Variants in ATP11B observed in about 807,000 individuals in gnomAD.
The protein encoded by ATP11B is phospholipid-transporting ATPase IF.
ATP11B carries 81 observed loss-of-function variants against 157.8 expected under a neutral mutation model. The observed-to-expected ratio is 0.51, with a 90% CI of 0.43 to 0.62. The LOEUF is 0.62. Among genes scored for constraint, ATP11B ranks in the 20% least tolerant of loss-of-function variants. ATP11B has a pLI of 0.00. For synonymous variants in ATP11B, 451 were observed against 469.4 expected (o/e 0.96, Z 0.51); for missense variants, 1,165 against 1,402.2 (o/e 0.83, Z 2.70).
intron 10 of ATP11B, among the ~76,000 whole-genome samples, chr3:182,855,949 A>T (rs1720366697): frequency 2.0e-5 from 3 of 152,128 alleles, no homozygotes; most frequent in African/African-American, 7.2e-5. Context: ...TAAAAATAGT[A>T]TACCCACTCT....
intron 1 of ATP11B, among the ~76,000 whole-genome samples, chr3:182,814,168 A>G (rs966739662): frequency 2.0e-5 from 3 of 152,064 alleles, no homozygotes; most frequent in Admixed American, 6.6e-5. Context: ...GGTTTAAGTG[A>G]TTCTCCTGCC....
intron 21 of ATP11B, among the ~76,000 whole-genome samples, chr3:182,883,756 C>A (rs56936376): frequency 0.035 from 5,221 of 150,228 alleles, 308 homozygotes; most frequent in African/African-American, 0.12. Context: ...GAGATCGAGA[C>A]CATCCCGGCT....
chr3:182,822,442 T>A (rs528668033), intron 2 of ATP11B, among the ~76,000 whole-genome samples: 16 of 152,226 alleles, frequency 1.1e-4, no homozygotes, highest in Non-Finnish European at 2.2e-4. Flanking sequence ...GCAAAGGACA[T>A]GAACTCATCC....
At chr3:182,804,083 T>C (rs185808894) in intron 1 of ATP11B, among the ~76,000 whole-genome samples, 1 of 152,210 alleles carries the variant, frequency 6.6e-6, no homozygotes, top group African/African-American at 2.4e-5. Flanking sequence ...AGATTTTGAT[T>C]AGCTTTGCAT....
intron 1 of ATP11B, among the ~76,000 whole-genome samples, chr3:182,809,013 T>G (rs1008227366): frequency 6.6e-6 from 1 of 151,962 alleles, no homozygotes; most frequent in African/African-American, 2.4e-5. Context: ...ATATTCTTGG[T>G]TAGAAAAATA....
In ATP11B at chr3:182,918,726, C is replaced by T. The variant is rs1459798719; in HGVS notation, c.*622C>T. On this transcript the variant is annotated 3_prime_UTR_variant, in exon 30 of 30. Coordinates refer to ENST00000323116, the MANE Select transcript of ATP11B (RefSeq NM_014616.3). ...TATGGGGAGTAAATTTATACCAATT[C>T]CTCTAACTGTACTGTAACACAGCCT... is the stretch of plus-strand genomic sequence containing the variant. The T allele has an allele frequency of 2.6e-5, 5 of 195,550 alleles. No individual in the cohort carries two copies. The highest frequency in any genetic ancestry group is 5.2e-5 in the Non-Finnish European group (5 of 96,906). 12.1% of individuals were successfully genotyped at this position (195,550 alleles called of 1,614,324 possible).
intron 28 of ATP11B, among the ~76,000 whole-genome samples, chr3:182,903,063 G>A (rs1327900878): frequency 1.3e-5 from 2 of 151,892 alleles, no homozygotes; most frequent in East Asian, 1.9e-4. Flanking sequence ...TCTATAAATC[G>A]AACAATGTGT....
chr3:182,862,488 AG>A (rs1455889227), intron 12 of ATP11B, among the ~76,000 whole-genome samples: 1 of 152,046 alleles, frequency 6.6e-6, no homozygotes, highest in Non-Finnish European at 1.5e-5. Flanking sequence ...GATTCTGTCC[AG>A]TTCAGCCTAC....
rs1276913242 is a variant in ATP11B at position 182,868,697 on chromosome 3, A to G, written c.1689-381A>G. On this transcript the variant is annotated intron_variant, in intron 15 of 29. Transcript: ENST00000323116. ...AGTTACCTTTTTTAGTCAGAAAAAC[A>G]TGGAGCTGGGCAGATCTGGATTCCA... 2.0e-5 allele frequency among the ~76,000 whole-genome samples: 3 copies of G among 152,200 alleles called. 1 individual carries two copies. Among genetic ancestry groups the G allele is most frequent in the South Asian group, 4.1e-4 (2 of 4,832 alleles).
chr3:182,820,576 G>A (rs1011036865), intron 2 of ATP11B, among the ~76,000 whole-genome samples, 200 bp downstream of exon 2: 1 of 152,122 alleles, frequency 6.6e-6, no homozygotes, highest in Non-Finnish European at 1.5e-5. Context: ...CAGCTACTCT[G>A]GAGGCTGGCT....
chr3:182,812,432 G>T (rs963954963), intron 1 of ATP11B, among the ~76,000 whole-genome samples: 1 of 152,240 alleles, frequency 6.6e-6, no homozygotes, highest in Non-Finnish European at 1.5e-5. Context: ...TATCCAGACA[G>T]TGGTTAACTG....
At chr3:182,870,078 A>T (rs1003500672) in intron 17 of ATP11B, among the ~76,000 whole-genome samples, 3 of 148,282 alleles carry the variant, frequency 2.0e-5, no homozygotes, top group African/African-American at 7.7e-5. Flanking sequence ...CTCATTAATG[A>T]TTGCCAGGGG....
chr3:182,793,876 C>T, intron 1 of ATP11B, 90 bp downstream of exon 1: 2 of 930,834 alleles, frequency 2.1e-6, no homozygotes, highest in Non-Finnish European at 1.4e-6. Context: ...GGCGCGGAGC[C>T]GGGAGGCCAG....
intron 25 of ATP11B, among the ~76,000 whole-genome samples, chr3:182,895,132 A>AT (rs1180101449): frequency 6.6e-6 from 1 of 151,192 alleles, no homozygotes. Context: ...AAAAAAAAAA[A>AT]AAAAGGAAAG....
At chr3:182,862,508 T>A (rs528530370) in intron 12 of ATP11B, among the ~76,000 whole-genome samples, 1 of 152,304 alleles carries the variant, frequency 6.6e-6, no homozygotes. Context: ...ACTAGGGGAA[T>A]ACACCTTCCA....
At chr3:182,863,525 A>G (rs575816737) in intron 12 of ATP11B, among the ~76,000 whole-genome samples, 64 of 152,130 alleles carry the variant, frequency 4.2e-4, no homozygotes, top group African/African-American at 1.5e-3. Context: ...TTTTGAAACT[A>G]CAAGTATTTA....
intron 2 of ATP11B, among the ~76,000 whole-genome samples, chr3:182,820,628 C>G (rs1717275259): frequency 6.6e-6 from 1 of 151,862 alleles, no homozygotes. Context: ...GTGATTGTGC[C>G]ACTGCACTCC....
At chr3:182,829,224 C>T (rs1717946689) in intron 3 of ATP11B, among the ~76,000 whole-genome samples, 1 of 152,152 alleles carries the variant, frequency 6.6e-6, no homozygotes, top group African/African-American at 2.4e-5. Flanking sequence ...AAAGGAACAT[C>T]ATTTTCCTAG....
At chr3:182,881,048 TA>T (rs757058887) in intron 21 of ATP11B, 67 bp downstream of exon 21, 17 of 1,241,204 alleles carry the variant, frequency 1.4e-5, no homozygotes, top group Non-Finnish European at 1.9e-5. Flanking sequence ...TGGTGGTTTT[TA>T]ATTTTCTTTT....
Sources: gnomAD v4.1 joint callset for allele counts (sites outside exome capture counted in the v4.1 genomes callset) on GRCh38, gnomAD v4.1.1 for gene constraint, MANE v1.5 for transcripts, NCBI Gene and HGNC (gene_info 2026-07-23, HGNC 2026-07-21) for gene names.